ZFPM2: variants seen among roughly 807,000 people sequenced by gnomAD.
ZFPM2 encodes the protein zinc finger protein ZFPM2.
A neutral mutation model predicts 98.6 loss-of-function variants in ZFPM2; 20 were observed. The observed-to-expected ratio is 0.20, with a 90% CI of 0.14 to 0.29. ZFPM2 has a LOEUF of 0.29. Among genes scored for constraint, ZFPM2 ranks in the 10% least tolerant of loss-of-function variants. The pLI is 1.00. For synonymous variants in ZFPM2, 518 were observed against 502.7 expected (o/e 1.03, Z -0.41); for missense variants, 1,310 against 1,388.6 (o/e 0.94, Z 0.90).
chr8:105,520,295 T>C (rs1814023200), intron 3 of ZFPM2, among the ~76,000 whole-genome samples: 1 of 152,122 alleles, frequency 6.6e-6, no homozygotes, highest in Non-Finnish European at 1.5e-5. Context: ...AAAAATGCAA[T>C]GTGTAAAGGA....
intron 1 of ZFPM2, among the ~76,000 whole-genome samples, chr8:105,351,813 A>G (rs1420657075): frequency 6.6e-6 from 1 of 151,874 alleles, no homozygotes; most frequent in Non-Finnish European, 1.5e-5. Flanking sequence ...ATGGGAGGTC[A>G]TTTTTCCCTT....
At chr8:105,526,025 C>T (rs1325423590) in intron 3 of ZFPM2, among the ~76,000 whole-genome samples, 1 of 152,148 alleles carries the variant, frequency 6.6e-6, no homozygotes. Flanking sequence ...TATGTAAACT[C>T]TGTTCTTTAT....
intron 4 of ZFPM2, 104 bp downstream of exon 4, chr8:105,561,585 A>G: frequency 1.0e-6 from 1 of 967,258 alleles, no homozygotes; most frequent in Non-Finnish European, 1.5e-6. Flanking sequence ...ATCACTAAAA[A>G]TAACCATTTG....
intron 4 of ZFPM2, among the ~76,000 whole-genome samples, chr8:105,620,982 T>A (rs1163005850): frequency 6.6e-6 from 1 of 152,200 alleles, no homozygotes; most frequent in Non-Finnish European, 1.5e-5. Flanking sequence ...TCCAGCTTTG[T>A]TCTTTTGGCA....
intron 3 of ZFPM2, among the ~76,000 whole-genome samples, chr8:105,468,861 A>G (rs1403904992): frequency 1.3e-5 from 2 of 152,192 alleles, no homozygotes; most frequent in Non-Finnish European, 2.9e-5. Flanking sequence ...ATAACCTTGT[A>G]TAGAAATCTC....
At chr8:105,575,737 T>G (rs1815452548) in intron 4 of ZFPM2, among the ~76,000 whole-genome samples, 1 of 152,206 alleles carries the variant, frequency 6.6e-6, no homozygotes, top group Admixed American at 6.5e-5. Flanking sequence ...ACTTTTATTC[T>G]GTTGACAATG....
At chr8:105,556,745 C>CA (rs1327668248) in intron 3 of ZFPM2, among the ~76,000 whole-genome samples, 6 of 129,966 alleles carry the variant, frequency 4.6e-5, no homozygotes, top group Non-Finnish European at 9.7e-5. Flanking sequence ...TCCCCTTTGA[C>CA]AGAGTCTTGC....
chr8:105,351,214 G>T (rs188024467), intron 1 of ZFPM2, among the ~76,000 whole-genome samples: 1 of 150,980 alleles, frequency 6.6e-6, no homozygotes. Context: ...CATAGTATTT[G>T]CATATAATTT....
At chr8:105,788,528 C>T (rs1326243354) in intron 5 of ZFPM2, among the ~76,000 whole-genome samples, 190 bp from the exon 6 acceptor site, 1 of 152,124 alleles carries the variant, frequency 6.6e-6, no homozygotes, top group Non-Finnish European at 1.5e-5. Flanking sequence ...CTAAATCGTT[C>T]ATTTAATGCA....
At chr8:105,653,983 GTCT>G (rs1026996173) in intron 5 of ZFPM2, among the ~76,000 whole-genome samples, 18 of 141,806 alleles carry the variant, frequency 1.3e-4, no homozygotes, top group Admixed American at 9.2e-4. Flanking sequence ...ATTGCTATTT[GTCT>G]TCTTCTCTCC....
intron 3 of ZFPM2, among the ~76,000 whole-genome samples, chr8:105,450,063 T>C (rs1812454969): frequency 6.6e-6 from 1 of 152,098 alleles, no homozygotes; most frequent in Non-Finnish European, 1.5e-5. Context: ...AAAATAAATG[T>C]CTAGGGCAAA....
chr8:105,716,763 C>A (rs762622570), intron 5 of ZFPM2, among the ~76,000 whole-genome samples: 4 of 152,004 alleles, frequency 2.6e-5, no homozygotes, highest in Non-Finnish European at 4.4e-5. Context: ...CCAAGGCCTG[C>A]AACCTTACTC....
At chr8:105,714,960 A>G (rs763458375) in intron 5 of ZFPM2, among the ~76,000 whole-genome samples, 7 of 152,140 alleles carry the variant, frequency 4.6e-5, no homozygotes, top group Non-Finnish European at 1.0e-4. Flanking sequence ...AGTTGCTTAT[A>G]CCATTGATAA....
chr8:105,803,695 A>T lies in ZFPM2; in HGVS notation c.*157A>T. 1.4e-6 allele frequency: 1 copy of T among 696,562 alleles called. No individual in the cohort carries two copies. The highest frequency in any genetic ancestry group is 2.4e-6 in the Non-Finnish European group (1 of 424,214). 43.1% of individuals were successfully genotyped at this position (696,562 alleles called of 1,614,324 possible). The stretch of plus-strand genomic sequence containing the variant: ...TTAAGGTGTAATTTCATTACAGTCC[A>T]TTAGTAAAGTGTATTATTGGTGCCA... On this transcript the variant is annotated 3_prime_UTR_variant, in exon 8 of 8. Transcript: ENST00000407775.
rs548470984 is a variant in ZFPM2, at chr8:105,734,449, A to G, written c.533-54269A>G. Reference sequence around the variant, plus strand: ...TCTCTTATAGATAAAGTTGAGATGTATGAAATGTATGTTGTAATGCTGTCT... The same window carrying G: ...TCTCTTATAGATAAAGTTGAGATGTGTGAAATGTATGTTGTAATGCTGTCT... On this transcript the variant is annotated intron_variant, in intron 5 of 7. Coordinates refer to ENST00000407775, the MANE Select transcript of ZFPM2 (RefSeq NM_012082.4). Among the ~76,000 whole-genome samples the G allele has an allele frequency of 5.9e-5, 9 of 152,112 alleles. 1 individual carries two copies. Among genetic ancestry groups the G allele is most frequent in the Non-Finnish European group, 1.2e-4 (8 of 67,934 alleles).
intron 1 of ZFPM2, among the ~76,000 whole-genome samples, chr8:105,336,937 A>G (rs1563610028): frequency 1.3e-5 from 2 of 151,790 alleles, no homozygotes; most frequent in Admixed American, 1.3e-4. Context: ...GTGAGTAGTT[A>G]GTTTTTGTTG....
intron 5 of ZFPM2, among the ~76,000 whole-genome samples, chr8:105,748,154 A>G (rs946799312): frequency 1.1e-4 from 16 of 152,062 alleles, no homozygotes; most frequent in African/African-American, 3.9e-4. Flanking sequence ...ACACACACCT[A>G]TGATAAAAGT....
intron 3 of ZFPM2, among the ~76,000 whole-genome samples, chr8:105,460,464 C>T (rs1812683648): frequency 6.6e-6 from 1 of 152,074 alleles, no homozygotes; most frequent in South Asian, 2.1e-4. Flanking sequence ...AAACATCCAA[C>T]AGGTGGAAAG....
At chr8:105,524,498 C>G (rs989913545) in intron 3 of ZFPM2, among the ~76,000 whole-genome samples, 3 of 151,850 alleles carry the variant, frequency 2.0e-5, no homozygotes, top group African/African-American at 4.8e-5. Context: ...CTCTCTCTCT[C>G]TCTCACACAC....
Sources: gnomAD v4.1 joint callset for allele counts (sites outside exome capture counted in the v4.1 genomes callset) on GRCh38, gnomAD v4.1.1 for gene constraint, MANE v1.5 for transcripts, NCBI Gene and HGNC (gene_info 2026-07-23, HGNC 2026-07-21) for gene names.